Variants in CTNNA2 observed in about 807,000 individuals in gnomAD.
The protein encoded by CTNNA2 is catenin alpha 2.
In CTNNA2, 42 loss-of-function variants were observed where a neutral mutation model predicts 101.0. The observed-to-expected ratio is 0.42, with a 90% confidence interval of 0.32 to 0.54. The LOEUF (loss-of-function observed/expected upper bound fraction) is 0.54. Among genes scored for constraint, CTNNA2 ranks in the 20% least tolerant of loss-of-function variants. CTNNA2 has a pLI of 0.14. For synonymous variants in CTNNA2, 450 were observed against 456.4 expected (o/e 0.99, Z 0.18); for missense variants, 871 against 1,223.1 (o/e 0.71, Z 4.29).
chr2:80,065,818 T>A (rs933754982), intron 7 of CTNNA2, among the ~76,000 whole-genome samples: 4 of 152,212 alleles, frequency 2.6e-5, no homozygotes, highest in African/African-American at 9.6e-5. Context: ...AAAGTATTGC[T>A]AGCATACCAT....
At chr2:80,073,508 G>T (rs544347924) in intron 7 of CTNNA2, among the ~76,000 whole-genome samples, 2 of 152,130 alleles carry the variant, frequency 1.3e-5, no homozygotes, top group Non-Finnish European at 2.9e-5. Context: ...CAGGTGTTGG[G>T]CACAGATTTG....
At chr2:79,435,338 A>G (rs950840395) in intron 4 of CTNNA2, among the ~76,000 whole-genome samples, 1 of 152,126 alleles carries the variant, frequency 6.6e-6, no homozygotes, top group African/African-American at 2.4e-5. Context: ...CGTGCATTAT[A>G]TTCTTGTTTT....
intron 15 of CTNNA2, among the ~76,000 whole-genome samples, chr2:80,590,370 C>T (rs1203788717): frequency 6.6e-6 from 1 of 151,848 alleles, no homozygotes; most frequent in African/African-American, 2.4e-5. Flanking sequence ...TTTTAAAATC[C>T]AAAGAGATAA....
At chr2:79,186,056 A>T (rs1368295819) in intron 1 of CTNNA2, among the ~76,000 whole-genome samples, 1 of 152,156 alleles carries the variant, frequency 6.6e-6, no homozygotes, top group East Asian at 1.9e-4. Flanking sequence ...ATTATTTCAG[A>T]TTACCATACT....
Position 79,416,003 on chromosome 2 carries a change from CTCA to C in CTNNA2, c.-135+41995_-135+41997del, listed in dbSNP as rs200843991. Among the ~76,000 whole-genome samples, 94 of 152,106 alleles carry C rather than the reference CTCA, an allele frequency of 6.2e-4. 2 individuals are homozygous for C. The East Asian group carries it at 0.012, about 20-fold the overall frequency. On this transcript the variant is annotated intron_variant, in intron 4 of 21. Transcript: ENST00000466387. ...TATCAGCAAGAATTATAATAACTGTCTCATCATTGAAATTAGATAAACACGGCA... is the reference window on the plus strand; with the variant it reads ...TATCAGCAAGAATTATAATAACTGTCTCATTGAAATTAGATAAACACGGCA...
chr2:79,381,311 A>G (rs1307968857), intron 4 of CTNNA2, among the ~76,000 whole-genome samples: 1 of 152,194 alleles, frequency 6.6e-6, no homozygotes, highest in Non-Finnish European at 1.5e-5. Flanking sequence ...AAAAACCCCC[A>G]AAAGTCAAAT....
intron 2 of CTNNA2, among the ~76,000 whole-genome samples, chr2:79,264,866 A>T (rs1434187): frequency 6.6e-6 from 1 of 151,888 alleles, no homozygotes; most frequent in Non-Finnish European, 1.5e-5. Context: ...TCTTAAGCTA[A>T]GGAGAGGAAG....
chr2:79,405,693 G>T (rs1423376462), intron 4 of CTNNA2, among the ~76,000 whole-genome samples: 1 of 151,942 alleles, frequency 6.6e-6, no homozygotes, highest in African/African-American at 2.4e-5. Context: ...GATACACAGC[G>T]ATGTTATTAT....
intron 1 of CTNNA2, among the ~76,000 whole-genome samples, chr2:79,641,329 T>C (rs1680436417): frequency 6.6e-6 from 1 of 152,200 alleles, no homozygotes. Context: ...AATTGAGATA[T>C]ATAGTTATTG....
At chr2:79,552,727 A>G (rs1450753644) in intron 1 of CTNNA2, among the ~76,000 whole-genome samples, 1 of 147,480 alleles carries the variant, frequency 6.8e-6, no homozygotes, top group African/African-American at 2.4e-5. Flanking sequence ...CTTGCACCCT[A>G]TGAAGCAACA....
rs1676322844 is a variant in CTNNA2, at chr2:80,379,784, T to A, written c.1057-13427T>A. On this transcript the variant is annotated intron_variant, in intron 7 of 18. Transcript: ENST00000402739. The stretch of plus-strand genomic sequence containing the variant: ...ATTAAAATGGAAAATTTCCATGCCC[T>A]ACCCTAGAGATACTGAAACAGAGTA... 2.0e-5 allele frequency among the ~76,000 whole-genome samples: 3 copies of A among 152,162 alleles called. No homozygotes were observed. In the South Asian group the frequency reaches 6.2e-4, roughly 32 times the overall value.
At chr2:80,222,401 A>T (rs1302787107) in intron 7 of CTNNA2, among the ~76,000 whole-genome samples, 2 of 152,162 alleles carry the variant, frequency 1.3e-5, no homozygotes, top group Non-Finnish European at 2.9e-5. Flanking sequence ...TTTGCTGTTT[A>T]TATTTGCAAA....
At chr2:80,595,067 A>G (rs1346835165) in intron 15 of CTNNA2, among the ~76,000 whole-genome samples, 2 of 152,098 alleles carry the variant, frequency 1.3e-5, no homozygotes, top group Admixed American at 6.6e-5. Flanking sequence ...TAGGGATTAC[A>G]GTGAATCTGT....
At chr2:79,843,874 A>C (rs1183961001) in intron 3 of CTNNA2, among the ~76,000 whole-genome samples, 1 of 151,942 alleles carries the variant, frequency 6.6e-6, no homozygotes, top group Non-Finnish European at 1.5e-5. Flanking sequence ...AACAACCATG[A>C]GTGTTTGCTT....
At chr2:80,331,869 G>A (rs987272239) in intron 7 of CTNNA2, among the ~76,000 whole-genome samples, 3 of 151,970 alleles carry the variant, frequency 2.0e-5, no homozygotes, top group African/African-American at 7.3e-5. Context: ...TCTCGATCTG[G>A]GAAAAAATAA....
chr2:80,377,743 A>T (rs899199610), intron 7 of CTNNA2, among the ~76,000 whole-genome samples: 1 of 152,190 alleles, frequency 6.6e-6, no homozygotes, highest in African/African-American at 2.4e-5. Flanking sequence ...TGAACCTTGG[A>T]GCTAGCACTA....
At chr2:79,489,661 C>G (rs1671190814) in intron 4 of CTNNA2, among the ~76,000 whole-genome samples, 1 of 152,136 alleles carries the variant, frequency 6.6e-6, no homozygotes, top group African/African-American at 2.4e-5. Flanking sequence ...CAGACCCTGG[C>G]TCATTTTGCT....
intron 9 of CTNNA2, among the ~76,000 whole-genome samples, chr2:80,542,507 C>A (rs1314003982): frequency 6.6e-6 from 1 of 151,854 alleles, no homozygotes; most frequent in Non-Finnish European, 1.5e-5. Context: ...CTGGTTGTCA[C>A]TCTTTCTTTT....
chr2:80,258,169 G>A (rs560400663), intron 7 of CTNNA2, among the ~76,000 whole-genome samples: 12 of 152,298 alleles, frequency 7.9e-5, no homozygotes, highest in Admixed American at 2.6e-4. Context: ...TTGCTTTGAA[G>A]CATTTTATTG....
Sources: allele counts gnomAD v4.1 joint callset (sites outside exome capture counted in the v4.1 genomes callset), GRCh38; gene constraint gnomAD v4.1.1; transcripts MANE v1.5; gene names NCBI Gene and HGNC (gene_info 2026-07-23, HGNC 2026-07-21).